Variants in HTR3E observed in about 807,000 individuals in gnomAD.
HTR3E encodes the protein 5-hydroxytryptamine receptor 3E.
HTR3E carries 38 observed loss-of-function variants against 38.0 expected under a neutral mutation model. The ratio of observed to expected loss-of-function variants is 1.00; its 90% CI spans 0.77 to 1.31. The LOEUF (loss-of-function observed/expected upper bound fraction) is 1.31. Among genes scored for constraint, HTR3E ranks in the 50% most tolerant of loss-of-function variants. The pLI is 0.00. For missense variants in HTR3E, 547 were observed against 585.2 expected (o/e 0.93, Z 0.67); for synonymous variants, 210 against 232.9 (o/e 0.90, Z 0.89).
chr3:184,106,495 G>T lies in HTR3E; in HGVS notation c.1173G>T (p.Gln391His). ...AGGAGCCAGAGGTATCAGCAGGGCAGATGCCGGGCCCTGCGGAGGCAGAGC... is the reference window on the plus strand; with the variant it reads ...AGGAGCCAGAGGTATCAGCAGGGCATATGCCGGGCCCTGCGGAGGCAGAGC... ...GVKEPEVSAG[Q>H]MPGPAEAELT... is the part of the protein sequence containing the mutation. The change falls in exon 9 of 9, where the codon CAG (glutamine) becomes CAT (histidine). Residue 391 changes from glutamine (Q) to histidine (H), a missense_variant. Transcript: ENST00000415389. This position sits in a 1 kb window ranked among gnomAD's most constrained non-coding sequence, Gnocchi z 4.1. The T allele has an allele frequency of 6.2e-7, 1 of 1,606,778 alleles. No individual in the cohort carries two copies. Among genetic ancestry groups the T allele is most frequent in the Non-Finnish European group, 8.5e-7 (1 of 1,176,224 alleles).
intron 4 of HTR3E, 72 bp downstream of exon 4, chr3:184,104,363 G>C: frequency 6.5e-6 from 10 of 1,547,072 alleles, no homozygotes; most frequent in Non-Finnish European, 8.7e-6. Context: ...TTACCATTGG[G>C]GCCACTGTAA....
rs1181493962 is a variant in HTR3E at position 184,106,913 on chromosome 3, T to C, written c.*220T>C. 1.7e-6 allele frequency: 1 copy of C among 588,606 alleles called. No individual in the cohort carries two copies. Among genetic ancestry groups the C allele is most frequent in the Non-Finnish European group, 3.0e-6 (1 of 332,962 alleles). The allele number at this position is 588,606 out of a possible 1,614,324, so 36.5% of individuals were successfully genotyped here. Reference sequence around the variant, plus strand: ...GGCTTCCTTCAGTCCTACCATATGGTTCTAGGTCCCTCTTACGTCATCTGC... The same window carrying C: ...GGCTTCCTTCAGTCCTACCATATGGCTCTAGGTCCCTCTTACGTCATCTGC... On this transcript the variant is annotated 3_prime_UTR_variant, in exon 9 of 9. Transcript: ENST00000415389. The surrounding 1 kb of genome is among the most constrained non-coding windows in gnomAD (Gnocchi z 4.1).
At chr3:184,105,053 G>C (rs879029748) in intron 5 of HTR3E, 97 bp downstream of exon 5, 16 of 1,308,908 alleles carry the variant, frequency 1.2e-5, no homozygotes, top group Non-Finnish European at 1.6e-5. Flanking sequence ...TATGGGTGGG[G>C]AGAAGAATAA....
intron 1 of HTR3E, among the ~76,000 whole-genome samples, chr3:184,099,347 G>A (rs867092771): frequency 2.5e-4 from 37 of 149,898 alleles, no homozygotes; most frequent in Admixed American, 6.0e-4. Flanking sequence ...AAGTGATTGC[G>A]CCACTGCACT....
In HTR3E at chr3:184,105,269, G is replaced by A. The variant is rs776367797; in HGVS notation, c.562G>A (p.Asp188Asn). 3 of 1,609,662 alleles carry A rather than the reference G, an allele frequency of 1.9e-6. No individual in the cohort carries two copies. In the South Asian group the frequency reaches 3.3e-5, roughly 18 times the overall value. Residue 188 changes from aspartate to asparagine, a missense_variant and splice_region_variant, in exon 6 of 9, where the codon GAC becomes AAC. By Grantham distance (23) the Asp-to-Asn change is conservative. Transcript: ENST00000415389. ...LTFSSFLYTV[D>N]SMLLDMEKEV... ...ATTCAGATGGTTCTCATTTTCAGTG[G>A]ACAGCATGTTGCTGGACATGGAGAA...
chr3:184,098,852 T>A (rs567204639), intron 1 of HTR3E, among the ~76,000 whole-genome samples: 226 of 152,152 alleles, frequency 1.5e-3, no homozygotes, highest in South Asian at 6.6e-3. Context: ...AAGACCAGCC[T>A]GGCTAACATG....
chr3:184,098,746 T>C (rs983914777), intron 1 of HTR3E, among the ~76,000 whole-genome samples: 4 of 152,164 alleles, frequency 2.6e-5, no homozygotes, highest in Admixed American at 6.6e-5. Flanking sequence ...ATTTATTAGT[T>C]AGAAGAGGGT....
intron 3 of HTR3E, among the ~76,000 whole-genome samples, chr3:184,101,890 T>C (rs975740520): frequency 6.6e-6 from 1 of 152,172 alleles, no homozygotes; most frequent in Non-Finnish European, 1.5e-5. Flanking sequence ...CTTGGAAGGC[T>C]GAAGCAGGAA....
chr3:184,100,492 C>T lies in HTR3E; in HGVS notation c.75C>T (p.Gly25=). Residue 25 remains glycine (G), a synonymous_variant, in exon 2 of 9, where the codon GGC becomes GGT. Transcript: ENST00000415389. The part of the protein sequence containing the change: ...LLLGFLLQGR[G]VTFTINCSGF... ...ATTCGATGTCCACTACAGGAAGGGGCGTTACTTTCACCATCAATTGCTCAG... is the reference window on the plus strand; with the variant it reads ...ATTCGATGTCCACTACAGGAAGGGGTGTTACTTTCACCATCAATTGCTCAG... 6.2e-7 allele frequency: 1 copy of T among 1,614,136 alleles called. No homozygotes were observed. Among genetic ancestry groups the T allele is most frequent in the Non-Finnish European group, 8.5e-7 (1 of 1,180,034 alleles).
chr3:184,098,501 T>C (rs1024745829), intron 1 of HTR3E, among the ~76,000 whole-genome samples: 2 of 152,112 alleles, frequency 1.3e-5, no homozygotes, highest in Non-Finnish European at 2.9e-5. Context: ...GAGACACAAA[T>C]TGTACACCTG....
chr3:184,104,321 T>A, intron 4 of HTR3E, 30 bp downstream of exon 4: 1 of 1,586,322 alleles, frequency 6.3e-7, no homozygotes, highest in Non-Finnish European at 8.6e-7. Context: ...CAGAGGGAAG[T>A]CCCATCTCCT....
intron 1 of HTR3E, among the ~76,000 whole-genome samples, chr3:184,098,860 A>G (rs1711804172): frequency 6.6e-6 from 1 of 151,974 alleles, no homozygotes; most frequent in Admixed American, 6.6e-5. Context: ...CCTGGCTAAC[A>G]TGGTGAAACC....
In HTR3E at chr3:184,106,901, C is replaced by A; in HGVS notation, c.*208C>A. The A allele has an allele frequency of 1.6e-6, 1 of 615,954 alleles. No individual in the cohort carries two copies. The highest frequency in any genetic ancestry group is 2.8e-6 in the Non-Finnish European group (1 of 351,810). 38.2% of individuals were successfully genotyped at this position (615,954 alleles called of 1,614,324 possible). A position where few individuals can be genotyped will look rare whatever the true frequency, so the allele number is the denominator to read the frequency against. On this transcript the variant is annotated 3_prime_UTR_variant, in exon 9 of 9. Coordinates refer to ENST00000415389, the MANE Select transcript of HTR3E (RefSeq NM_001256613.2). This position sits in a 1 kb window ranked among gnomAD's most constrained non-coding sequence, Gnocchi z 4.1. ...CTGCATTTTGTTGGCTTCCTTCAGTCCTACCATATGGTTCTAGGTCCCTCT... is the reference window on the plus strand; with the variant it reads ...CTGCATTTTGTTGGCTTCCTTCAGTACTACCATATGGTTCTAGGTCCCTCT...
At chr3:184,097,877 T>A (rs1711750076) in intron 1 of HTR3E, among the ~76,000 whole-genome samples, 1 of 152,238 alleles carries the variant, frequency 6.6e-6, no homozygotes, top group African/African-American at 2.4e-5. Context: ...GATATCCAGT[T>A]TTCCCAATAC....
Position 184,106,527 on chromosome 3 carries a change from G to A in HTR3E, c.1205G>A (p.Gly402Glu). The change falls in exon 9 of 9, where the codon GGG becomes GAG. Residue 402 changes from glycine to glutamate, a missense_variant. Transcript: ENST00000415389. This position sits in a 1 kb window ranked among gnomAD's most constrained non-coding sequence, Gnocchi z 4.1. Reference sequence around the variant, plus strand: ...GGCCCTGCGGAGGCAGAGCTGACAGGGGGCTCAGAATGGACAAGGGCCCAG... The same window carrying A: ...GGCCCTGCGGAGGCAGAGCTGACAGAGGGCTCAGAATGGACAAGGGCCCAG... The part of the protein sequence containing the change: ...MPGPAEAELT[G>E]GSEWTRAQRE... 2 of 1,613,542 alleles carry A rather than the reference G, an allele frequency of 1.2e-6. No individual in the cohort carries two copies. The highest frequency in any genetic ancestry group is 1.3e-5 in the African/African-American group (1 of 75,050).
intron 4 of HTR3E, 44 bp downstream of exon 4, chr3:184,104,335 A>G (rs1376251167): frequency 6.4e-7 from 1 of 1,572,180 alleles, no homozygotes; most frequent in African/African-American, 1.4e-5. Context: ...ATCTCCTGGT[A>G]GCCACAGAGA....
At chr3:184,099,480 C>T (rs867270432) in intron 1 of HTR3E, among the ~76,000 whole-genome samples, 13 of 151,738 alleles carry the variant, frequency 8.6e-5, no homozygotes, top group South Asian at 4.2e-4. Flanking sequence ...TTTGGGAGGC[C>T]GAGGCGGGTG....
At chr3:184,101,415 A>G in intron 2 of HTR3E, 70 bp from the exon 3 acceptor site, 3 of 1,288,854 alleles carry the variant, frequency 2.3e-6, no homozygotes, top group Non-Finnish European at 2.3e-6. Context: ...GTAAACAAGC[A>G]TGGGAAGTGG....
chr3:184,104,766 C>G, intron 4 of HTR3E, 21 bp from the exon 5 acceptor site: 2 of 1,536,692 alleles, frequency 1.3e-6, no homozygotes, highest in South Asian at 1.2e-5. Context: ...GCACCTGCCT[C>G]TTGCGTTATC....
Sources: allele counts gnomAD v4.1 joint callset (sites outside exome capture counted in the v4.1 genomes callset), GRCh38; gene constraint gnomAD v4.1.1; non-coding constraint Gnocchi (gnomAD v3.1); transcripts MANE v1.5; gene names NCBI Gene and HGNC (gene_info 2026-07-23, HGNC 2026-07-21).